The following CDK11B variants were observed in gnomAD, a reference collection of about 807,000 sequenced individuals.
The protein encoded by CDK11B is cyclin dependent kinase 11B.
A neutral mutation model predicts 84.0 loss-of-function variants in CDK11B; 37 were observed. That is an observed-to-expected ratio of 0.44 (90% CI 0.34 to 0.58). The LOEUF (loss-of-function observed/expected upper bound fraction) is 0.58. Ranked by LOEUF, CDK11B falls within the 20% of genes least tolerant of loss-of-function variation. CDK11B has a pLI of 0.02. For synonymous variants in CDK11B, 269 were observed against 309.8 expected (o/e 0.87, Z 1.38); for missense variants, 427 against 834.0 (o/e 0.51, Z 6.01).
intron 4 of CDK11B, among the ~76,000 whole-genome samples, chr1:1,650,029 T>C (rs1641722868): frequency 1.3e-5 from 2 of 148,408 alleles, no homozygotes; most frequent in South Asian, 4.3e-4. Flanking sequence ...ATTCCAGCAC[T>C]CTGGGAGGCC....
chr1:1,658,130 C>T (rs1413426130), intron 1 of CDK11B, among the ~76,000 whole-genome samples: 1 of 146,412 alleles, frequency 6.8e-6, no homozygotes, highest in Non-Finnish European at 1.5e-5. Flanking sequence ...GCCGAGGTCG[C>T]GTCACTGCAC....
intron 4 of CDK11B, among the ~76,000 whole-genome samples, chr1:1,649,846 G>A (rs1189507637): frequency 0.21 from 32,016 of 151,036 alleles, 3,529 homozygotes; most frequent in Middle Eastern, 0.27. Context: ...GTGGTGGCAG[G>A]CACCTGTAAT....
chr1:1,650,889 C>T (rs1332967361), intron 4 of CDK11B, among the ~76,000 whole-genome samples: 5 of 152,020 alleles, frequency 3.3e-5, no homozygotes, highest in Non-Finnish European at 5.9e-5. Context: ...AAAAGAAAAA[C>T]AATTCTGCTA....
At chr1:1,655,327 G>A in intron 3 of CDK11B, 42 bp downstream of exon 3, 2 of 1,603,764 alleles carry the variant, frequency 1.2e-6, no homozygotes, top group Non-Finnish European at 1.7e-6. Flanking sequence ...CCAGGCCAGG[G>A]CTGTGTACAG....
Position 1,636,790 on chromosome 1 carries a change from G to A in CDK11B, c.1809C>T (p.Ser603=). ...PELLLGAKEY[S]TAVDMWSVGC... ...CCACTGACCACATGTCCACGGCCGT[G>A]GAGTATTCCTAAGAGGTCAGGAGAG... Residue 603 remains serine (S), a synonymous_variant, in exon 17 of 20, where the codon TCC becomes TCT. Transcript: ENST00000341832. 2 of 1,613,898 alleles carry A rather than the reference G, an allele frequency of 1.2e-6. No individual in the cohort carries two copies. The highest frequency in any genetic ancestry group is 1.7e-6 in the Non-Finnish European group (2 of 1,179,870).
chr1:1,648,135 AC>A (rs1454020276), intron 5 of CDK11B, among the ~76,000 whole-genome samples: 1 of 152,216 alleles, frequency 6.6e-6, no homozygotes, highest in Non-Finnish European at 1.5e-5. Context: ...ATGCTACCAT[AC>A]CCAGTTCTGG....
intron 3 of CDK11B, chr1:1,654,277 T>C: frequency 2.5e-6 from 1 of 403,086 alleles, no homozygotes; most frequent in Non-Finnish European, 4.9e-6. Flanking sequence ...AACAAGAACA[T>C]TTCCTTTTTT....
intron 1 of CDK11B, among the ~76,000 whole-genome samples, chr1:1,657,981 T>C (rs1642997346): frequency 6.8e-6 from 1 of 148,090 alleles, no homozygotes; most frequent in Admixed American, 6.7e-5. Flanking sequence ...AAGACCAGCC[T>C]GGCCAACACG....
chr1:1,643,613 G>A (rs1361772309), intron 6 of CDK11B, among the ~76,000 whole-genome samples: 1 of 146,658 alleles, frequency 6.8e-6, no homozygotes, highest in African/African-American at 2.7e-5. Context: ...TCAAGAAAAT[G>A]ACGCGTGAAC....
Position 1,649,648 on chromosome 1 carries a change from A to C in CDK11B, c.356-11T>G. Reference sequence around the variant, plus strand: ...CTCTAGCATGCTTCCCTAATGAGAAATAAAGTGTCATGCAAAGAAACCTCA... The same window carrying C: ...CTCTAGCATGCTTCCCTAATGAGAACTAAAGTGTCATGCAAAGAAACCTCA... On this transcript the variant is annotated splice_polypyrimidine_tract_variant and intron_variant, in intron 4 of 19. Coordinates refer to ENST00000341832, the MANE Select transcript of CDK11B (RefSeq NM_033486.3). The C allele has an allele frequency of 1.2e-6, 2 of 1,609,692 alleles. No individual in the cohort carries two copies. Among genetic ancestry groups the C allele is most frequent in the Non-Finnish European group, 1.7e-6 (2 of 1,177,096 alleles).
chr1:1,646,730 C>A (rs773443894), intron 5 of CDK11B: 1 of 519,920 alleles, frequency 1.9e-6, no homozygotes, highest in African/African-American at 1.9e-5. Context: ...CCAGTCTCTG[C>A]TTCTCAGGGA....
intron 17 of CDK11B, 41 bp from the exon 18 acceptor site, chr1:1,636,522 C>T (rs777404293): frequency 1.3e-6 from 2 of 1,596,806 alleles, no homozygotes; most frequent in Middle Eastern, 1.7e-4. Context: ...CCAAGTGGCC[C>T]ACAGTGTTGG....
intron 2 of CDK11B, among the ~76,000 whole-genome samples, chr1:1,656,293 C>A (rs544735302): frequency 3.3e-5 from 5 of 151,602 alleles, no homozygotes; most frequent in African/African-American, 1.2e-4. Flanking sequence ...GAGTTCCAGA[C>A]CAGCCTGACC....
chr1:1,639,465 C>G (rs926364629), intron 11 of CDK11B, among the ~76,000 whole-genome samples: 1 of 151,912 alleles, frequency 6.6e-6, no homozygotes, highest in Non-Finnish European at 1.5e-5. Flanking sequence ...GGATGTGTCC[C>G]CTGCTTGTAC....
In CDK11B at chr1:1,655,511, T is replaced by C. The variant is rs1642627421; in HGVS notation, c.112-27A>G. 4.5e-6 allele frequency: 7 copies of C among 1,567,202 alleles called. No individual in the cohort carries two copies. In the South Asian group the frequency reaches 4.8e-5, roughly 11 times the overall value. ...TAAGAAGCAAAGAGAAAGTTAATCATTTTCTTTATAAGTTTTTTTTTCTTC... is the reference window on the plus strand; with the variant it reads ...TAAGAAGCAAAGAGAAAGTTAATCACTTTCTTTATAAGTTTTTTTTTCTTC... On this transcript the variant is annotated intron_variant, in intron 2 of 19. Transcript: ENST00000341832.
At chr1:1,644,738 T>C (rs1474485517) in intron 6 of CDK11B, among the ~76,000 whole-genome samples, 6 of 152,192 alleles carry the variant, frequency 3.9e-5, no homozygotes, top group African/African-American at 1.4e-4. Context: ...ACGCCTGTAA[T>C]CGCAGCACTT....
intron 5 of CDK11B, among the ~76,000 whole-genome samples, chr1:1,647,245 C>CA (rs1257559628): frequency 5.9e-5 from 9 of 152,268 alleles, no homozygotes; most frequent in Middle Eastern, 6.3e-3. Context: ...TCTGGACACT[C>CA]AGACAGTTTT....
At position 1,649,524 on chromosome 1, in the gene CDK11B, C is replaced by A. The variant is rs1210317328; in HGVS notation, c.469G>T (p.Ala157Ser). The A allele has an allele frequency of 3.9e-5, 63 of 1,597,728 alleles. No individual in the cohort carries two copies. The highest frequency in any genetic ancestry group is 1.0e-4 in the Admixed American group (6 of 59,976). ...EWERQKRREM[A>S]REHSRRERDR... Reference sequence around the variant, plus strand: ...CTTTCTCTCCTGGAATGCTCCCTTGCCATCTCCCTTCTCTTCTGTCTTTCC... The same window carrying A: ...CTTTCTCTCCTGGAATGCTCCCTTGACATCTCCCTTCTCTTCTGTCTTTCC... The change falls in exon 5 of 20, where the codon GCA (alanine) becomes TCA (serine). Residue 157 changes from alanine to serine, a missense_variant. Coordinates refer to ENST00000341832, the MANE Select transcript of CDK11B (RefSeq NM_033486.3).
rs749864472 is a variant in CDK11B, at chr1:1,636,705, C to T, written c.1894G>A (p.Asp632Asn). The T allele has an allele frequency of 5.0e-6, 8 of 1,613,962 alleles. No homozygotes were observed. Among genetic ancestry groups the T allele is most frequent in the Non-Finnish European group, 6.8e-6 (8 of 1,179,872 alleles). The change falls in exon 17 of 20, where the codon GAT (aspartate) becomes AAT (asparagine). Residue 632 changes from aspartate (D) to asparagine (N), a missense_variant. Physicochemically the swap from Asp to Asn is conservative, Grantham distance 23. Coordinates refer to ENST00000341832, the MANE Select transcript of CDK11B (RefSeq NM_033486.3). ...KPLFPGKSEI[D>N]QINKVFKDLG... is the part of the protein sequence containing the mutation. Reference sequence around the variant, plus strand: ...ACCTTGAACACCTTGTTGATCTGATCGATTTCTGACTTCCCGGGGAACAGA... The same window carrying T: ...ACCTTGAACACCTTGTTGATCTGATTGATTTCTGACTTCCCGGGGAACAGA...
Sources: allele counts gnomAD v4.1 joint callset (sites outside exome capture counted in the v4.1 genomes callset), GRCh38; gene constraint gnomAD v4.1.1; transcripts MANE v1.5; gene names NCBI Gene and HGNC (gene_info 2026-07-23, HGNC 2026-07-21).